Variants in AJAP1 observed in about 807,000 individuals in gnomAD.
AJAP1 encodes the protein adherens junctions associated protein 1.
AJAP1 carries 5 observed loss-of-function variants against 35.0 expected under a neutral mutation model. The ratio of observed to expected loss-of-function variants is 0.14; its 90% CI spans 0.07 to 0.30. The LOEUF (loss-of-function observed/expected upper bound fraction) is 0.30, where lower values mean the gene tolerates loss of function less well. Among genes scored for constraint, AJAP1 ranks in the 10% least tolerant of loss-of-function variants. The pLI, the probability that AJAP1 is intolerant of heterozygous loss-of-function variation, is 1.00. For missense variants in AJAP1, 586 were observed against 571.0 expected, an observed-to-expected ratio of 1.03 and a Z score of -0.27; for synonymous variants, 284 against 249.3, an observed-to-expected ratio of 1.14 and a Z score of -1.31.
chr1:4,678,591 A>G (rs1639409835), intron 1 of AJAP1, among the ~76,000 whole-genome samples: 4 of 152,186 alleles, frequency 2.6e-5, no homozygotes, highest in African/African-American at 9.6e-5. Context: ...AACTCACAAT[A>G]AGCCAGCAAG....
intron 1 of AJAP1, among the ~76,000 whole-genome samples, chr1:4,667,266 A>G (rs1570089509): frequency 6.6e-6 from 1 of 152,076 alleles, no homozygotes; most frequent in African/African-American, 2.4e-5. Flanking sequence ...GCCAGCCTAG[A>G]CCACGTGGGC....
chr1:4,764,818 A>C (rs898886710), intron 2 of AJAP1, among the ~76,000 whole-genome samples: 2 of 152,192 alleles, frequency 1.3e-5, no homozygotes, highest in African/African-American at 4.8e-5. Flanking sequence ...TCCTAGAAAG[A>C]AAGCACGTGA....
In AJAP1 at chr1:4,788,720, A is replaced by G. The variant is rs945526178; in HGVS notation, c.*6235A>G. On this transcript the variant is annotated 3_prime_UTR_variant, in exon 6 of 6. Coordinates refer to ENST00000378191, the MANE Select transcript of AJAP1 (RefSeq NM_018836.4). Reference sequence around the variant, plus strand: ...TTGCAGGGAGTTAAATACATAGGCCACAGCAGACTAAGGGAGCGGTGTGCA... The same window carrying G: ...TTGCAGGGAGTTAAATACATAGGCCGCAGCAGACTAAGGGAGCGGTGTGCA... The G allele has an allele frequency of 1.3e-5, 2 of 152,236 alleles. No individual in the cohort carries two copies. Among genetic ancestry groups the G allele is most frequent in the Non-Finnish European group, 2.9e-5 (2 of 68,086 alleles). The allele number at this position is 152,236 out of a possible 1,614,324, so 9.4% of individuals were successfully genotyped here.
At chr1:4,710,174 ACT>A (rs1491123693) in intron 1 of AJAP1, among the ~76,000 whole-genome samples, 23 of 151,006 alleles carry the variant, frequency 1.5e-4, no homozygotes, top group Non-Finnish European at 2.8e-4. Context: ...ACACAGACAC[ACT>A]CACACAGGAA....
Position 4,734,052 on chromosome 1 carries a change from G to C in AJAP1, c.829+21353G>C, listed in dbSNP as rs115719577. 1.7e-4 allele frequency among the ~76,000 whole-genome samples: 26 copies of C among 152,186 alleles called. No individual in the cohort carries two copies. Among genetic ancestry groups the C allele is most frequent in the African/African-American group, 6.3e-4 (26 of 41,440 alleles). On this transcript the variant is annotated intron_variant, in intron 2 of 5. Coordinates refer to ENST00000378191, the MANE Select transcript of AJAP1 (RefSeq NM_018836.4). The surrounding 1 kb of genome is among the most constrained non-coding windows in gnomAD (Gnocchi z 4.3). ...CGGCTTTTGTAAGCGATCACGTACCGAGTATTGACTTGGCTCAGCCCAGGA... is the reference window on the plus strand; with the variant it reads ...CGGCTTTTGTAAGCGATCACGTACCCAGTATTGACTTGGCTCAGCCCAGGA...
At chr1:4,779,590 A>G (rs867667690) in intron 5 of AJAP1, among the ~76,000 whole-genome samples, 12 of 152,214 alleles carry the variant, frequency 7.9e-5, no homozygotes, top group Non-Finnish European at 1.3e-4. Context: ...AGCCGGGGCC[A>G]CAGTTCAGGC....
At chr1:4,752,237 G>A (rs773595067) in intron 2 of AJAP1, among the ~76,000 whole-genome samples, 7 of 150,778 alleles carry the variant, frequency 4.6e-5, no homozygotes, top group Non-Finnish European at 8.9e-5. Flanking sequence ...AGAAGACACT[G>A]GTGGCTTTGT....
intron 1 of AJAP1, among the ~76,000 whole-genome samples, chr1:4,673,512 C>T (rs770463990): frequency 6.6e-5 from 10 of 152,170 alleles, no homozygotes; most frequent in Non-Finnish European, 4.4e-5. Context: ...CAACCCAGTC[C>T]CACTAAAACT....
intron 1 of AJAP1, among the ~76,000 whole-genome samples, chr1:4,696,059 A>C (rs192757256): frequency 4.9e-4 from 75 of 152,186 alleles, no homozygotes; most frequent in Admixed American, 2.0e-3. Context: ...TGTGTGTCTG[A>C]AACCCATCTC....
rs1050146914 is a variant in AJAP1, at chr1:4,787,715, G to A, written c.*5230G>A. 8.8e-6 allele frequency: 4 copies of A among 456,140 alleles called. No individual in the cohort carries two copies. The highest frequency in any genetic ancestry group is 6.5e-4 in the Middle Eastern group (2 of 3,076). 28.3% of individuals were successfully genotyped at this position (456,140 alleles called of 1,614,324 possible). On this transcript the variant is annotated 3_prime_UTR_variant, in exon 6 of 6. Coordinates refer to ENST00000378191, the MANE Select transcript of AJAP1 (RefSeq NM_018836.4). ...TTGGTCCCATCTGTCAGGTTGCCAG[G>A]CCAAGCAGGTCTCAGGTCAGCCAGG...
At chr1:4,689,716 A>G (rs938981190) in intron 1 of AJAP1, among the ~76,000 whole-genome samples, 1 of 152,204 alleles carries the variant, frequency 6.6e-6, no homozygotes, top group African/African-American at 2.4e-5. Flanking sequence ...ATCCGGCATG[A>G]GCACGAGCGT....
chr1:4,701,688 T>C (rs1249860666), intron 1 of AJAP1, among the ~76,000 whole-genome samples: 1 of 152,198 alleles, frequency 6.6e-6, no homozygotes, highest in African/African-American at 2.4e-5. Flanking sequence ...TATTGCCAAA[T>C]GTCCCCTGAG....
intron 2 of AJAP1, among the ~76,000 whole-genome samples, chr1:4,744,358 AAGTG>A (rs1409049517): frequency 6.6e-6 from 1 of 152,218 alleles, no homozygotes; most frequent in Non-Finnish European, 1.5e-5. Flanking sequence ...CTGAGAACGT[AAGTG>A]ATTTGTCCAA....
At chr1:4,739,601 C>T (rs552257941) in intron 2 of AJAP1, among the ~76,000 whole-genome samples, 18 of 152,318 alleles carry the variant, frequency 1.2e-4, no homozygotes, top group East Asian at 1.9e-4. Flanking sequence ...GTATTTCACA[C>T]GAGCTGTTGG....
chr1:4,699,244 G>C (rs1161027432), intron 1 of AJAP1, among the ~76,000 whole-genome samples: 5 of 152,052 alleles, frequency 3.3e-5, no homozygotes, highest in Admixed American at 3.3e-4. Context: ...CTGGCCCCAC[G>C]CTGCACCCTG....
chr1:4,781,409 T>C (rs1435609911), intron 5 of AJAP1, among the ~76,000 whole-genome samples: 1 of 151,818 alleles, frequency 6.6e-6, no homozygotes, highest in Non-Finnish European at 1.5e-5. Context: ...TCTCCAGAGG[T>C]GGGCCTGGGA....
chr1:4,737,070 T>C (rs1640942159), intron 2 of AJAP1, among the ~76,000 whole-genome samples: 1 of 152,214 alleles, frequency 6.6e-6, no homozygotes, highest in Admixed American at 6.5e-5. Context: ...CACACTTGCA[T>C]TGGGCAAAGT....
At chr1:4,781,026 A>G (rs1642051278) in intron 5 of AJAP1, among the ~76,000 whole-genome samples, 1 of 152,106 alleles carries the variant, frequency 6.6e-6, no homozygotes, top group South Asian at 2.1e-4. Context: ...CCAGGGAAAG[A>G]TCCAGCCCCT....
At position 4,699,697 on chromosome 1, in the gene AJAP1, T is replaced by C. The variant is rs1415187154; in HGVS notation, c.30-12203T>C. ...GGACACATCCTTCCTAGAACCAACA[T>C]CTCCCTGCAGCCGAAAACTTCCCTC... On this transcript the variant is annotated intron_variant, in intron 1 of 5. Coordinates refer to ENST00000378191, the MANE Select transcript of AJAP1 (RefSeq NM_018836.4). Among the ~76,000 whole-genome samples, 4 of 152,094 alleles carry C rather than the reference T, an allele frequency of 2.6e-5. No homozygotes were observed. In the East Asian group the frequency reaches 7.7e-4, roughly 29 times the overall value.
Sources: allele counts gnomAD v4.1 joint callset (sites outside exome capture counted in the v4.1 genomes callset), GRCh38; gene constraint gnomAD v4.1.1; non-coding constraint Gnocchi (gnomAD v3.1); transcripts MANE v1.5; gene names NCBI Gene and HGNC (gene_info 2026-07-23, HGNC 2026-07-21).